The following ZNF248 variants were observed in gnomAD, a reference collection of about 807,000 sequenced individuals.
ZNF248 encodes zinc finger protein 248.
ZNF248 carries 20 observed loss-of-function variants against 44.3 expected under a neutral mutation model. The ratio of observed to expected loss-of-function variants is 0.45; its 90% CI spans 0.32 to 0.66. ZNF248 has a LOEUF of 0.66. Ranked by LOEUF, ZNF248 falls within the 30% of genes least tolerant of loss-of-function variation. The probability of loss-of-function intolerance (pLI) is 0.04; values close to 1 mark genes in which losing one functional copy is unlikely to be tolerated. For missense variants in ZNF248, 654 were observed against 677.0 expected, an observed-to-expected ratio of 0.97 and a Z score of 0.38; for synonymous variants, 224 against 229.0, an observed-to-expected ratio of 0.98 and a Z score of 0.20.
chr10:37,760,295 G>A, the ZNF248 span, among the ~76,000 whole-genome samples: 5 of 152,068 alleles, frequency 3.3e-5, no homozygotes, highest in Admixed American at 2.0e-4. Context: ...GTGGTGCAAT[G>A]CACAGCTCAC....
intron 3 of ZNF248, among the ~76,000 whole-genome samples, chr10:37,844,360 T>C (rs1271079394): frequency 2.0e-5 from 3 of 152,010 alleles, no homozygotes; most frequent in Non-Finnish European, 4.4e-5. Flanking sequence ...AAATACTAAA[T>C]GGAAGGTTGA....
intron 3 of ZNF248, among the ~76,000 whole-genome samples, chr10:37,851,493 G>T (rs571509918): frequency 6.6e-6 from 1 of 152,080 alleles, no homozygotes; most frequent in East Asian, 1.9e-4. Context: ...TGCCATATAA[G>T]CTGGAATTCA....
intron 6 of ZNF248, among the ~76,000 whole-genome samples, chr10:37,814,196 T>A (rs2052042010): frequency 6.6e-6 from 1 of 152,180 alleles, no homozygotes; most frequent in Admixed American, 6.5e-5. Context: ...AGCTGTTTTG[T>A]TACATTTAAC....
intron 6 of ZNF248, among the ~76,000 whole-genome samples, chr10:37,777,597 C>A (rs1200240473): frequency 6.7e-6 from 1 of 148,640 alleles, no homozygotes; most frequent in African/African-American, 2.5e-5. Flanking sequence ...AGGTTAGTTA[C>A]ATATGTATAC....
intron 6 of ZNF248, among the ~76,000 whole-genome samples, chr10:37,777,705 T>A (rs1162879876): frequency 5.4e-5 from 6 of 111,904 alleles, no homozygotes; most frequent in African/African-American, 1.8e-4. Flanking sequence ...CCCACAACAG[T>A]CCCCAGAGTG....
chr10:37,775,144 A>T (rs1344852471), downstream of ZNF248, among the ~76,000 whole-genome samples: 1 of 152,190 alleles, frequency 6.6e-6, no homozygotes, highest in Non-Finnish European at 1.5e-5. Context: ...TCTGCACGTT[A>T]CTAATAATTA....
chr10:37,824,673 A>ATTTTTTT (rs755411927), downstream of ZNF248, among the ~76,000 whole-genome samples: 22,832 of 77,932 alleles, frequency 0.29, 6,935 homozygotes, highest in East Asian at 0.44. Context: ...ATTATTTTAA[A>ATTTTTTT]TTTTTTTTTT....
chr10:37,838,548 T>C (rs1184510337), intron 3 of ZNF248, among the ~76,000 whole-genome samples: 1 of 152,182 alleles, frequency 6.6e-6, no homozygotes, highest in Non-Finnish European at 1.5e-5. Flanking sequence ...GAAATGAATA[T>C]GACCAAGCTC....
intron 6 of ZNF248, chr10:37,818,737 C>T (rs984090697): frequency 2.4e-5 from 15 of 625,792 alleles, no homozygotes; most frequent in Non-Finnish European, 3.2e-5. Context: ...GGCATCAATG[C>T]AGTCCTCCTT....
At chr10:37,811,001 C>G (rs2051403411) in intron 6 of ZNF248, among the ~76,000 whole-genome samples, 1 of 152,202 alleles carries the variant, frequency 6.6e-6, no homozygotes, top group African/African-American at 2.4e-5. Context: ...AAAGTAACCT[C>G]TTACAGTTTT....
At chr10:37,767,204 G>A in the ZNF248 span, among the ~76,000 whole-genome samples, 1 of 152,174 alleles carries the variant, frequency 6.6e-6, no homozygotes, top group Non-Finnish European at 1.5e-5. Context: ...CACTCTGCAG[G>A]ATATTATCCA....
chr10:37,831,368 T>C lies in ZNF248; in HGVS notation c.*247A>G. On this transcript the variant is annotated 3_prime_UTR_variant, in exon 6 of 6. Coordinates refer to ENST00000395867, the MANE Select transcript of ZNF248 (RefSeq NM_021045.3). ...CATTATATTTGCAACAAAATTTTGGTATCACGTCTGGAATATAACACTAAA... is the reference window on the plus strand; with the variant it reads ...CATTATATTTGCAACAAAATTTTGGCATCACGTCTGGAATATAACACTAAA... 6.5e-7 allele frequency: 1 copy of C among 1,547,564 alleles called. No homozygotes were observed. The highest frequency in any genetic ancestry group is 8.7e-7 in the Non-Finnish European group (1 of 1,145,430).
chr10:37,769,164 A>C, the ZNF248 span, among the ~76,000 whole-genome samples: 3 of 152,152 alleles, frequency 2.0e-5, no homozygotes, highest in Non-Finnish European at 4.4e-5. Flanking sequence ...CAGAACCAGA[A>C]GGAATCACAG....
At chr10:37,825,758 T>C (rs548485871), downstream of ZNF248, among the ~76,000 whole-genome samples, 178 of 152,180 alleles carry the variant, frequency 1.2e-3, 1 homozygote, top group African/African-American at 4.2e-3. Flanking sequence ...TTCCAAACTT[T>C]GAATGGGAAT....
intron 6 of ZNF248, among the ~76,000 whole-genome samples, chr10:37,799,735 T>C (rs1041971885): frequency 6.6e-6 from 1 of 152,078 alleles, no homozygotes; most frequent in Non-Finnish European, 1.5e-5. Flanking sequence ...CACACAGACA[T>C]AGTAATACAT....
At chr10:37,824,018 A>G (rs1410070226), downstream of ZNF248, among the ~76,000 whole-genome samples, 2 of 152,168 alleles carry the variant, frequency 1.3e-5, no homozygotes, top group Non-Finnish European at 2.9e-5. Context: ...AATAAGATGT[A>G]TATATAGAAA....
rs147205447 is a variant in ZNF248, at chr10:37,845,811, G to A, written c.16-7700C>T. Among the ~76,000 whole-genome samples, 1,013 of 152,286 alleles carry A rather than the reference G, an allele frequency of 6.7e-3. 8 individuals are homozygous for A. The highest frequency in any genetic ancestry group is 0.037 in the Middle Eastern group (11 of 294). On this transcript the variant is annotated intron_variant, in intron 3 of 5. Coordinates refer to ENST00000395867, the MANE Select transcript of ZNF248 (RefSeq NM_021045.3). ...TACAATGAATAGTTTGTATTTCATT[G>A]TAATATGTCAAAAATGCTCCCTGTA...
intron 5 of ZNF248, among the ~76,000 whole-genome samples, chr10:37,836,783 C>CATGT (rs1474803438): frequency 7.5e-6 from 1 of 134,064 alleles, no homozygotes; most frequent in Non-Finnish European, 1.8e-5. Flanking sequence ...CACACACACA[C>CATGT]ACACACACAC....
chr10:37,764,473 T>G, the ZNF248 span, among the ~76,000 whole-genome samples: 23 of 152,198 alleles, frequency 1.5e-4, no homozygotes, highest in African/African-American at 5.6e-4. Context: ...TTTTATTACC[T>G]TGTGAAGCAT....
Sources: gnomAD v4.1 joint callset for allele counts (sites outside exome capture counted in the v4.1 genomes callset) on GRCh38, gnomAD v4.1.1 for gene constraint, MANE v1.5 for transcripts, NCBI Gene and HGNC (gene_info 2026-07-23, HGNC 2026-07-21) for gene names.